Variants in AGAP1 observed in about 807,000 individuals in gnomAD.
The protein encoded by AGAP1 is arf-GAP with GTPase, ANK repeat and PH domain-containing protein 1.
Under a neutral mutation model 105.3 loss-of-function variants are expected in AGAP1, and 29 were observed. That is an observed-to-expected ratio of 0.28 (90% CI 0.21 to 0.38). The LOEUF (loss-of-function observed/expected upper bound fraction) is 0.38. Among genes scored for constraint, AGAP1 ranks in the 10% least tolerant of loss-of-function variants. AGAP1 has a pLI of 1.00. For synonymous variants in AGAP1, 509 were observed against 485.9 expected (o/e 1.05, Z -0.63); for missense variants, 998 against 1,165.1 (o/e 0.86, Z 2.09).
chr2:235,710,866 T>C (rs987366437), intron 2 of AGAP1, among the ~76,000 whole-genome samples: 1 of 152,170 alleles, frequency 6.6e-6, no homozygotes, highest in Non-Finnish European at 1.5e-5. Flanking sequence ...GTGGTGATGG[T>C]GTGGATACAG....
At chr2:235,846,500 G>GTT (rs3059033) in intron 9 of AGAP1, among the ~76,000 whole-genome samples, 71,425 of 141,054 alleles carry the variant, frequency 0.51, 19,218 homozygotes, top group East Asian at 0.79. Flanking sequence ...CTAATTTTTG[G>GTT]TTTTTTTTTT....
At chr2:235,564,723 G>T (rs1026515790) in intron 1 of AGAP1, among the ~76,000 whole-genome samples, 3 of 146,480 alleles carry the variant, frequency 2.0e-5, no homozygotes, top group Admixed American at 6.7e-5. Flanking sequence ...ACCACCCAGG[G>T]CCAGGTGTGA....
intron 12 of AGAP1, among the ~76,000 whole-genome samples, chr2:235,942,233 C>T (rs2053293029): frequency 6.6e-6 from 1 of 152,168 alleles, no homozygotes; most frequent in Non-Finnish European, 1.5e-5. Context: ...CTGCAGACAA[C>T]CCGCGATTCC....
At chr2:235,511,945 GGT>G (rs1043173152) in intron 1 of AGAP1, among the ~76,000 whole-genome samples, 7 of 147,840 alleles carry the variant, frequency 4.7e-5, no homozygotes, top group Non-Finnish European at 8.9e-5. Context: ...TGTATGTGTG[GGT>G]GTGAATGTGT....
At chr2:235,811,837 A>G (rs1275852249) in intron 9 of AGAP1, among the ~76,000 whole-genome samples, 2 of 152,236 alleles carry the variant, frequency 1.3e-5, no homozygotes, top group East Asian at 3.9e-4. Context: ...GATTCATGGG[A>G]AAAACATTGC....
intron 1 of AGAP1, among the ~76,000 whole-genome samples, chr2:235,598,834 A>T (rs11694719): frequency 0.14 from 21,659 of 152,202 alleles, 1,854 homozygotes; most frequent in Admixed American, 0.2. Flanking sequence ...TTATTTTTTA[A>T]GATAATTTAT....
intron 1 of AGAP1, among the ~76,000 whole-genome samples, chr2:235,511,729 G>A (rs1942120697): frequency 6.7e-6 from 1 of 150,036 alleles, no homozygotes; most frequent in African/African-American, 2.5e-5. Flanking sequence ...TTGTAGGGTG[G>A]GGAGAAAAAC....
chr2:235,670,760 G>A, intron 1 of AGAP1: 1 of 1,084,358 alleles, frequency 9.2e-7, no homozygotes. Context: ...CAGCAAGAAC[G>A]ACGCGCTCTC....
rs941464457 is a variant in AGAP1, at chr2:236,042,667, T to A, written c.1891+1826T>A. On this transcript the variant is annotated intron_variant, in intron 15 of 17. Transcript: ENST00000304032. This position sits in a 1 kb window ranked among gnomAD's most constrained non-coding sequence, Gnocchi z 5.6. ...ACCATGATACCTGGCAAATCGGAGG[T>A]CGCAGGTCCTGTCTGAGATGAGCTT... is the stretch of plus-strand genomic sequence containing the variant. Among the ~76,000 whole-genome samples the A allele has an allele frequency of 6.6e-6, 1 of 151,406 alleles. No individual in the cohort carries two copies. The highest frequency in any genetic ancestry group is 2.4e-5 in the African/African-American group (1 of 41,104).
At chr2:235,558,156 G>A (rs766317223) in intron 1 of AGAP1, among the ~76,000 whole-genome samples, 14 of 152,294 alleles carry the variant, frequency 9.2e-5, no homozygotes, top group Non-Finnish European at 1.6e-4. Flanking sequence ...AGGGTATGCA[G>A]TACACACGCA....
Position 235,769,561 on chromosome 2 carries a change from A to T in AGAP1, c.673+19073A>T, listed in dbSNP as rs916587277. Among the ~76,000 whole-genome samples, 1 of 152,190 alleles carries T rather than the reference A, an allele frequency of 6.6e-6. No individual in the cohort carries two copies. Among genetic ancestry groups the T allele is most frequent in the Non-Finnish European group, 1.5e-5 (1 of 68,038 alleles). On this transcript the variant is annotated intron_variant, in intron 6 of 17. Coordinates refer to ENST00000304032, the MANE Select transcript of AGAP1 (RefSeq NM_001037131.3). This position sits in a 1 kb window ranked among gnomAD's most constrained non-coding sequence, Gnocchi z 4.4. ...GGTTGTTAAAGAAATGCAAACAGTT[A>T]GTTGTTCCGTTCATGCTGTTGCGTG...
rs578238310 is a variant in AGAP1, at chr2:235,792,904, C to T, written c.674-4855C>T. On this transcript the variant is annotated intron_variant, in intron 6 of 17. Coordinates refer to ENST00000304032, the MANE Select transcript of AGAP1 (RefSeq NM_001037131.3). The surrounding 1 kb of genome is among the most constrained non-coding windows in gnomAD (Gnocchi z 5.3). Reference sequence around the variant, plus strand: ...GAGCTCCTGGCACTGAGGTGGTGACCGAGACATTCGCGAGGAGGTTGCCCA... The same window carrying T: ...GAGCTCCTGGCACTGAGGTGGTGACTGAGACATTCGCGAGGAGGTTGCCCA... Among the ~76,000 whole-genome samples the T allele has an allele frequency of 7.9e-5, 12 of 152,138 alleles. No homozygotes were observed. Among genetic ancestry groups the T allele is most frequent in the African/African-American group, 2.2e-4 (9 of 41,486 alleles).
rs140891166 is a variant in AGAP1 at position 235,973,308 on chromosome 2, C to G, written c.1645+4685C>G. On this transcript the variant is annotated intron_variant, in intron 13 of 17. Transcript: ENST00000304032. The surrounding 1 kb of genome is among the most constrained non-coding windows in gnomAD (Gnocchi z 4.7). ...CTTAGGTTTACCATTTAAAATGAAT[C>G]GGAGGAATCTGGAAAGTTACAGAAG... Among the ~76,000 whole-genome samples the G allele has an allele frequency of 3.2e-3, 492 of 152,236 alleles. 22 individuals are homozygous for G. In the South Asian group the frequency reaches 0.084, roughly 26 times the overall value.
intron 1 of AGAP1, among the ~76,000 whole-genome samples, chr2:235,626,137 T>C (rs1946628958): frequency 6.6e-6 from 1 of 150,706 alleles, no homozygotes; most frequent in Non-Finnish European, 1.5e-5. Context: ...TCACTTGAGG[T>C]CAGCAGTCTA....
chr2:235,880,711 G>A (rs2049976343), intron 9 of AGAP1, among the ~76,000 whole-genome samples: 1 of 151,098 alleles, frequency 6.6e-6, no homozygotes, highest in Non-Finnish European at 1.5e-5. Context: ...CTGCACTGCA[G>A]CCTGGGCGAC....
In AGAP1 at chr2:235,930,607, TTC is replaced by T. The variant is rs2052674175; in HGVS notation, c.1325-156_1325-155del. Among the ~76,000 whole-genome samples the T allele has an allele frequency of 6.6e-6, 1 of 151,860 alleles. No individual in the cohort carries two copies. Among genetic ancestry groups the T allele is most frequent in the Non-Finnish European group, 1.5e-5 (1 of 68,008 alleles). ...CCCCCTTTTATTCCTCCCGAATAGT[TTC>T]TGTCTGGCGCTTCCGTTTGCCATGC... On this transcript the variant is annotated intron_variant, in intron 11 of 17. Coordinates refer to ENST00000304032, the MANE Select transcript of AGAP1 (RefSeq NM_001037131.3). This position sits in a 1 kb window ranked among gnomAD's most constrained non-coding sequence, Gnocchi z 7.9.
In AGAP1 at chr2:235,821,231, A is replaced by G. The variant is rs143107357; in HGVS notation, c.1050+13900A>G. Among the ~76,000 whole-genome samples, 770 of 152,350 alleles carry G rather than the reference A, an allele frequency of 5.1e-3. 7 individuals carry two copies. Among genetic ancestry groups the G allele is most frequent in the African/African-American group, 0.017 (726 of 41,582 alleles). On this transcript the variant is annotated intron_variant, in intron 9 of 17. Coordinates refer to ENST00000304032, the MANE Select transcript of AGAP1 (RefSeq NM_001037131.3). Reference sequence around the variant, plus strand: ...GGATGTACAGCCATTAAAATGGCCAATTTGAATACCCTTTAGAGATAAGTG... The same window carrying G: ...GGATGTACAGCCATTAAAATGGCCAGTTTGAATACCCTTTAGAGATAAGTG...
In AGAP1 at chr2:235,883,295, C is replaced by CT. The variant is rs752614477; in HGVS notation, c.1051-42dup. On this transcript the variant is annotated intron_variant, in intron 9 of 17. Coordinates refer to ENST00000304032, the MANE Select transcript of AGAP1 (RefSeq NM_001037131.3). This position sits in a 1 kb window ranked among gnomAD's most constrained non-coding sequence, Gnocchi z 4.5. ...TATGTTGCCTGTGTACCTGCCTTTTCTTTTTTTTATTTACATTAGAATTTC... is the reference window on the plus strand; with the variant it reads ...TATGTTGCCTGTGTACCTGCCTTTTCTTTTTTTTTATTTACATTAGAATTTC... 2.0e-4 allele frequency: 315 copies of CT among 1,560,906 alleles called. 1 individual carries two copies. Among genetic ancestry groups the CT allele is most frequent in the Non-Finnish European group, 2.6e-4 (292 of 1,135,700 alleles).
chr2:235,630,759 T>C (rs766218680), intron 1 of AGAP1, among the ~76,000 whole-genome samples: 4 of 152,154 alleles, frequency 2.6e-5, no homozygotes, highest in Non-Finnish European at 5.9e-5. Context: ...GCAGGTACAT[T>C]TGTCCTTCAT....
Sources: allele counts gnomAD v4.1 joint callset (sites outside exome capture counted in the v4.1 genomes callset), GRCh38; gene constraint gnomAD v4.1.1; non-coding constraint Gnocchi (gnomAD v3.1); transcripts MANE v1.5; gene names NCBI Gene and HGNC (gene_info 2026-07-23, HGNC 2026-07-21).